Variants in GSG1 observed in about 807,000 individuals in gnomAD.
GSG1 encodes germ cell-specific gene 1 protein.
A neutral mutation model predicts 30.8 loss-of-function variants in GSG1; 28 were observed. The observed-to-expected ratio is 0.91, with a 90% CI of 0.67 to 1.25. The LOEUF is 1.25. Among genes scored for constraint, GSG1 ranks in the 50% most tolerant of loss-of-function variants. GSG1 has a pLI of 0.00. For synonymous variants in GSG1, 162 were observed against 178.0 expected, an observed-to-expected ratio of 0.91 and a Z score of 0.71; for missense variants, 435 against 444.7, an observed-to-expected ratio of 0.98 and a Z score of 0.20.
At chr12:13,089,944 G>A (rs1865919613) in intron 2 of GSG1, among the ~76,000 whole-genome samples, 1 of 152,190 alleles carries the variant, frequency 6.6e-6, no homozygotes, top group Admixed American at 6.5e-5. Flanking sequence ...AGCTACTTGG[G>A]AGGCTGAGGC....
At chr12:13,092,883 C>T (rs1441452822) in intron 1 of GSG1, among the ~76,000 whole-genome samples, 1 of 151,794 alleles carries the variant, frequency 6.6e-6, no homozygotes, top group East Asian at 1.9e-4. Flanking sequence ...CCTCCAGTTC[C>T]CGGGTTCAAG....
Position 13,085,309 on chromosome 12 carries a change from G to T in GSG1, c.747-66C>A. Reference sequence around the variant, plus strand: ...GACTTTCTTGAGAGAAAAATGCCATGACCTCTTCCTACTAGTGGACTAGCT... The same window carrying T: ...GACTTTCTTGAGAGAAAAATGCCATTACCTCTTCCTACTAGTGGACTAGCT... On this transcript the variant is annotated intron_variant, in intron 6 of 6. Transcript: ENST00000651961. 3 of 1,431,576 alleles carry T rather than the reference G, an allele frequency of 2.1e-6. No homozygotes were observed. In the South Asian group the frequency reaches 4.0e-5, roughly 19 times the overall value. 88.7% of individuals were successfully genotyped at this position (1,431,576 alleles called of 1,614,324 possible).
chr12:13,087,953 A>C lies in GSG1; in HGVS notation c.588T>G (p.Cys196Trp), dbSNP rs567395894. 3.1e-6 allele frequency: 5 copies of C among 1,614,248 alleles called. No individual in the cohort carries two copies. The highest frequency in any genetic ancestry group is 3.3e-5 in the Admixed American group (2 of 60,032). ...TDLLLTGNPACGLKLSAFAAV... is the reference protein window; with the variant it reads ...TDLLLTGNPAWGLKLSAFAAV... ...CAGCAAAGGCGCTCAGTTTGAGCCC[A>C]CAGGCAGGGTTCCCAGTGAGTAGCA... Residue 196 changes from cysteine (C) to tryptophan (W), a missense_variant, in exon 5 of 7, where the codon TGT becomes TGG. Physicochemically the swap from Cys to Trp is radical, Grantham distance 215. Transcript: ENST00000651961.
At chr12:13,102,260 A>G (rs1001564253) in intron 1 of GSG1, among the ~76,000 whole-genome samples, 5 of 152,218 alleles carry the variant, frequency 3.3e-5, no homozygotes, top group Non-Finnish European at 5.9e-5. Flanking sequence ...GCCAAGGCAC[A>G]GTCACCTTTA....
intron 5 of GSG1, 80 bp from the exon 6 acceptor site, chr12:13,087,343 T>G: frequency 9.4e-7 from 1 of 1,060,114 alleles, no homozygotes; most frequent in South Asian, 1.3e-5. Context: ...TGGATCACCC[T>G]TCTTGCAGTC....
Position 13,101,666 on chromosome 12 carries a change from C to T in GSG1, c.48+1799G>A, listed in dbSNP as rs1863215904. Among the ~76,000 whole-genome samples the T allele has an allele frequency of 1.3e-5, 2 of 152,262 alleles. No individual in the cohort carries two copies. Among genetic ancestry groups the T allele is most frequent in the Admixed American group, 1.3e-4 (2 of 15,286 alleles). On this transcript the variant is annotated intron_variant, in intron 1 of 6. Coordinates refer to ENST00000651961, the MANE Select transcript of GSG1 (RefSeq NM_001080555.4). The surrounding 1 kb of genome is among the most constrained non-coding windows in gnomAD (Gnocchi z 5.8). ...GGTAGTCGGAGGGATTCCTTACACC[C>T]AGGCCGGTGGGCCAGGGCTCGGGAT...
chr12:13,088,069 A>G lies in GSG1; in HGVS notation c.482-10T>C. The stretch of plus-strand genomic sequence containing the variant: ...GATAACCATAGGATTTCTGCCAGAA[A>G]CCAGAGGAAGAGGGAGCGCTCACCC... On this transcript the variant is annotated splice_polypyrimidine_tract_variant and intron_variant, in intron 4 of 6. Coordinates refer to ENST00000651961, the MANE Select transcript of GSG1 (RefSeq NM_001080555.4). The G allele has an allele frequency of 6.2e-7, 1 of 1,614,116 alleles. No homozygotes were observed. Among genetic ancestry groups the G allele is most frequent in the Non-Finnish European group, 8.5e-7 (1 of 1,179,982 alleles).
intron 1 of GSG1, chr12:13,095,652 C>T (rs200747935): frequency 4.7e-4 from 763 of 1,614,016 alleles, no homozygotes; most frequent in Non-Finnish European, 6.3e-4. Context: ...AGGATGCCAT[C>T]TGCACTCCAA....
intron 1 of GSG1, among the ~76,000 whole-genome samples, chr12:13,102,964 G>A (rs1863323567): frequency 6.6e-6 from 1 of 152,254 alleles, no homozygotes; most frequent in Non-Finnish European, 1.5e-5. Flanking sequence ...GTCCTTCCCA[G>A]TTCCAGATCA....
intron 6 of GSG1, among the ~76,000 whole-genome samples, chr12:13,086,554 T>C (rs1193291745): frequency 6.6e-6 from 1 of 152,200 alleles, no homozygotes; most frequent in Admixed American, 6.5e-5. Flanking sequence ...AACTTGAATG[T>C]GTTGCTTTGT....
Position 13,103,562 on chromosome 12 carries a change from G to A in GSG1, c.-50C>T. On this transcript the variant is annotated 5_prime_UTR_variant, in exon 1 of 7. Coordinates refer to ENST00000651961, the MANE Select transcript of GSG1 (RefSeq NM_001080555.4). ...GAAGTTTCAGTTTATCTTCTGTTCT[G>A]TCTCAATCAGTTGGGTAGAATGAGT... The A allele has an allele frequency of 6.2e-7, 1 of 1,602,676 alleles. No individual in the cohort carries two copies. Among genetic ancestry groups the A allele is most frequent in the Non-Finnish European group, 8.5e-7 (1 of 1,169,836 alleles).
Position 13,090,394 on chromosome 12 carries a change from A to G in GSG1, c.364+109T>C, listed in dbSNP as rs192487628. ...CCCACTGGGGTGTGGGCAGTGCTGC[A>G]CTTCCAGGGCAACGCCAGCCCTAAG... On this transcript the variant is annotated intron_variant, in intron 2 of 6. Transcript: ENST00000651961. 191 of 999,760 alleles carry G rather than the reference A, an allele frequency of 1.9e-4. No homozygotes were observed. The Middle Eastern group carries it at 2.3e-3, about 12-fold the overall frequency. 61.9% of individuals were successfully genotyped at this position (999,760 alleles called of 1,614,324 possible).
At position 13,102,518 on chromosome 12, in the gene GSG1, G is replaced by C. The variant is rs549357524; in HGVS notation, c.48+947C>G. Among the ~76,000 whole-genome samples the C allele has an allele frequency of 2.6e-5, 4 of 152,244 alleles. No homozygotes were observed. In the South Asian group the frequency reaches 8.3e-4, roughly 32 times the overall value. ...TTCACTTGGGGCTGCTTCTGAATTA[G>C]GGAAGCTGCCTGAACCCACACTCCG... On this transcript the variant is annotated intron_variant, in intron 1 of 6. Transcript: ENST00000651961.
intron 2 of GSG1, 30 bp downstream of exon 2, chr12:13,090,473 G>A (rs373467560): frequency 1.6e-5 from 26 of 1,581,186 alleles, no homozygotes; most frequent in African/African-American, 1.3e-4. Flanking sequence ...CCCTGACCCC[G>A]TTGCTCTTAT....
rs373757021 is a variant in GSG1 at position 13,103,540 on chromosome 12, G to T, written c.-28C>A. 6.2e-7 allele frequency: 1 copy of T among 1,613,512 alleles called. No individual in the cohort carries two copies. Among genetic ancestry groups the T allele is most frequent in the African/African-American group, 1.3e-5 (1 of 74,932 alleles). On this transcript the variant is annotated 5_prime_UTR_variant, in exon 1 of 7. Transcript: ENST00000651961. Reference sequence around the variant, plus strand: ...ACTCTTGCAGCGGGAAGGCAGAGAAGTTTCAGTTTATCTTCTGTTCTGTCT... The same window carrying T: ...ACTCTTGCAGCGGGAAGGCAGAGAATTTTCAGTTTATCTTCTGTTCTGTCT...
rs1863223545 is a variant in GSG1, at chr12:13,101,738, C to G, written c.48+1727G>C. On this transcript the variant is annotated intron_variant, in intron 1 of 6. Coordinates refer to ENST00000651961, the MANE Select transcript of GSG1 (RefSeq NM_001080555.4). This position sits in a 1 kb window ranked among gnomAD's most constrained non-coding sequence, Gnocchi z 5.8. ...AAGTCAGGCATTTCCCTGCCTCTGC[C>G]CGGTAAAGCTATGGGTCCCAGGCTC... Among the ~76,000 whole-genome samples, 1 of 152,200 alleles carries G rather than the reference C, an allele frequency of 6.6e-6. No homozygotes were observed. The highest frequency in any genetic ancestry group is 1.5e-5 in the Non-Finnish European group (1 of 68,030).
At position 13,087,194 on chromosome 12, in the gene GSG1, T is replaced by C; in HGVS notation, c.704A>G (p.Glu235Gly). 6.2e-7 allele frequency: 1 copy of C among 1,614,106 alleles called. No individual in the cohort carries two copies. ...ATTCCAAACATGTGGTCTCCAGTCTTCTGGACCCAAGTTGACAGTCGCTTG... is the reference window on the plus strand; with the variant it reads ...ATTCCAAACATGTGGTCTCCAGTCTCCTGGACCCAAGTTGACAGTCGCTTG... ...VFQATVNLGP[E>G]DWRPHVWNYG... Residue 235 changes from glutamate to glycine, a missense_variant, in exon 6 of 7, where the codon GAA becomes GGA. Physicochemically the swap from Glu to Gly is moderately conservative, Grantham distance 98. Transcript: ENST00000651961.
At chr12:13,095,453 A>G (rs1320440216) in intron 1 of GSG1, 1 of 838,646 alleles carries the variant, frequency 1.2e-6, no homozygotes, top group Non-Finnish European at 2.1e-6. Context: ...TAACCCTTAC[A>G]TCAGCATATA....
chr12:13,091,576 C>T (rs1232716436), intron 1 of GSG1, among the ~76,000 whole-genome samples: 3 of 152,176 alleles, frequency 2.0e-5, no homozygotes, highest in Admixed American at 6.5e-5. Flanking sequence ...CGGTGGCGCA[C>T]GCCTGTAGTC....
Sources: allele counts gnomAD v4.1 joint callset (sites outside exome capture counted in the v4.1 genomes callset), GRCh38; gene constraint gnomAD v4.1.1; non-coding constraint Gnocchi (gnomAD v3.1); transcripts MANE v1.5; gene names NCBI Gene and HGNC (gene_info 2026-07-23, HGNC 2026-07-21).